CATSPERT: variants seen among roughly 807,000 people sequenced by gnomAD.
CATSPERT encodes cation channel sperm-associated targeting subunit tau.
the CATSPERT span, among the ~76,000 whole-genome samples, chr2:201,506,095 G>A: frequency 2.3e-4 from 35 of 152,172 alleles, no homozygotes; most frequent in Non-Finnish European, 4.1e-4. Context: ...GTGAAACCCC[G>A]TCTCTACTAA....
the CATSPERT span, among the ~76,000 whole-genome samples, chr2:201,564,500 T>TA: frequency 2.0e-5 from 3 of 152,198 alleles, no homozygotes; most frequent in Non-Finnish European, 1.5e-5. Context: ...ACTTGGATTT[T>TA]AAAATAGCAA....
the CATSPERT span, among the ~76,000 whole-genome samples, chr2:201,499,089 C>T: frequency 6.6e-6 from 1 of 152,142 alleles, no homozygotes; most frequent in African/African-American, 2.4e-5. Flanking sequence ...AGCACATAGA[C>T]AGAGTATACC....
chr2:201,619,009 A>G, the CATSPERT span: 7 of 1,614,068 alleles, frequency 4.3e-6, no homozygotes, highest in East Asian at 2.2e-5. Flanking sequence ...TTTAATGTGC[A>G]TGATATCCGG....
At chr2:201,578,272 G>A in the CATSPERT span, among the ~76,000 whole-genome samples, 1 of 151,966 alleles carries the variant, frequency 6.6e-6, no homozygotes, top group African/African-American at 2.4e-5. Context: ...ATAAAGACTT[G>A]AACTCTATTT....
the CATSPERT span, chr2:201,493,417 T>A: frequency 1.3e-6 from 2 of 1,537,192 alleles, no homozygotes; most frequent in Admixed American, 2.0e-5. Context: ...TGAATAATAC[T>A]CTTGGGAATC....
chr2:201,487,587 A>G, the CATSPERT span: 2 of 1,592,412 alleles, frequency 1.3e-6, no homozygotes, highest in Non-Finnish European at 1.7e-6. Flanking sequence ...CATGTTTTAT[A>G]ATATCACAAA....
the CATSPERT span, among the ~76,000 whole-genome samples, chr2:201,598,534 T>C: frequency 6.6e-6 from 1 of 152,166 alleles, no homozygotes; most frequent in Non-Finnish European, 1.5e-5. Flanking sequence ...CAGCAAAGGC[T>C]TAGCAGAGAG....
the CATSPERT span, among the ~76,000 whole-genome samples, chr2:201,556,211 A>G: frequency 1.3e-5 from 2 of 152,242 alleles, no homozygotes; most frequent in African/African-American, 4.8e-5. Context: ...AGGGACCAAA[A>G]AAATGATGCA....
At chr2:201,586,255 G>A in the CATSPERT span, among the ~76,000 whole-genome samples, 1 of 152,072 alleles carries the variant, frequency 6.6e-6, no homozygotes, top group Non-Finnish European at 1.5e-5. Flanking sequence ...ACTGACTGGG[G>A]AAGTCAGTTT....
chr2:201,613,491 T>A, the CATSPERT span, among the ~76,000 whole-genome samples: 3 of 152,104 alleles, frequency 2.0e-5, no homozygotes, highest in Non-Finnish European at 2.9e-5. Flanking sequence ...CTGACGGTCC[T>A]GACTGTTAGA....
the CATSPERT span, among the ~76,000 whole-genome samples, chr2:201,587,780 T>C: frequency 1.3e-5 from 2 of 151,430 alleles, no homozygotes; most frequent in South Asian, 4.3e-4. Flanking sequence ...TCTTCTGGAT[T>C]CAAATAAAGA....
At chr2:201,575,034 C>CAAAAAAAAAAAAAAAAAAAAAAA in the CATSPERT span, among the ~76,000 whole-genome samples, 1 of 97,930 alleles carries the variant, frequency 1.0e-5, no homozygotes, top group African/African-American at 3.8e-5. Context: ...CACCATTTAG[C>CAAAAAAAAAAAAAAAAAAAAAAA]AAAAAAAAAA....
At chr2:201,604,545 C>T in the CATSPERT span, 1 of 1,035,174 alleles carries the variant, frequency 9.7e-7, no homozygotes, top group Non-Finnish European at 1.4e-6. Flanking sequence ...CCATTTTCTG[C>T]ATATACTGTT....
At chr2:201,588,375 A>G in the CATSPERT span, among the ~76,000 whole-genome samples, 1 of 152,034 alleles carries the variant, frequency 6.6e-6, no homozygotes, top group Non-Finnish European at 1.5e-5. Flanking sequence ...TCGCATAAAC[A>G]GAACTAAAGA....
At chr2:201,615,724 G>C in the CATSPERT span, among the ~76,000 whole-genome samples, 2 of 152,078 alleles carry the variant, frequency 1.3e-5, no homozygotes, top group Non-Finnish European at 2.9e-5. Flanking sequence ...AACGGAAGGA[G>C]ATAGAGACAC....
chr2:201,511,858 A>AC, the CATSPERT span: 12 of 150,124 alleles, frequency 8.0e-5, no homozygotes, highest in Non-Finnish European at 1.3e-4. Flanking sequence ...AAAAAAAAAA[A>AC]AAAAAAAAAA....
chr2:201,575,795 G>T, the CATSPERT span, among the ~76,000 whole-genome samples: 3 of 152,106 alleles, frequency 2.0e-5, no homozygotes, highest in Admixed American at 1.3e-4. Context: ...AATAATAATA[G>T]AAATAAAGTG....
chr2:201,586,682 C>T, the CATSPERT span, among the ~76,000 whole-genome samples: 1 of 151,928 alleles, frequency 6.6e-6, no homozygotes, highest in Non-Finnish European at 1.5e-5. Context: ...ATGGTATTCT[C>T]TTACAGTTTT....
the CATSPERT span, among the ~76,000 whole-genome samples, chr2:201,574,796 A>G: frequency 6.6e-6 from 1 of 152,176 alleles, no homozygotes; most frequent in African/African-American, 2.4e-5. Flanking sequence ...TGTTTTGGCC[A>G]CTGGCAGCAA....
Sources: gnomAD v4.1 joint callset for allele counts (sites outside exome capture counted in the v4.1 genomes callset) on GRCh38, gnomAD v4.1.1 for gene constraint, MANE v1.5 for transcripts, NCBI Gene and HGNC (gene_info 2026-07-23, HGNC 2026-07-21) for gene names.